The following DRC9 variants were observed in gnomAD, a reference collection of about 807,000 sequenced individuals.
DRC9 encodes dynein regulatory complex subunit 9, also known as dynein regulatory complex protein 9.
chr3:197,914,237 GA>G, the DRC9 span, among the ~76,000 whole-genome samples: 2 of 152,164 alleles, frequency 1.3e-5, no homozygotes, highest in Non-Finnish European at 2.9e-5. Context: ...GCATTTCTAA[GA>G]ATCAGGGCGC....
the DRC9 span, among the ~76,000 whole-genome samples, chr3:197,936,375 GT>G: frequency 5.3e-5 from 8 of 151,226 alleles, no homozygotes; most frequent in Non-Finnish European, 8.9e-5. Flanking sequence ...TGCTTTTTAA[GT>G]TTTTTTTTGA....
chr3:197,895,974 C>CAAAAAA, the DRC9 span, among the ~76,000 whole-genome samples: 5 of 58,988 alleles, frequency 8.5e-5, 1 homozygote, highest in African/African-American at 3.2e-4. Context: ...GACCCTGTCT[C>CAAAAAA]AAAAAAAAAA....
chr3:197,909,415 A>G, the DRC9 span, among the ~76,000 whole-genome samples: 4 of 152,236 alleles, frequency 2.6e-5, no homozygotes, highest in African/African-American at 9.6e-5. Context: ...AAAAACCATT[A>G]GAGGGTTTAA....
chr3:197,915,856 C>T, the DRC9 span, among the ~76,000 whole-genome samples: 778 of 152,256 alleles, frequency 5.1e-3, 1 homozygote, highest in Non-Finnish European at 7.4e-3. Context: ...CTTGATCTCC[C>T]GACCTCAGGT....
At chr3:197,936,022 C>T in the DRC9 span, among the ~76,000 whole-genome samples, 1 of 151,786 alleles carries the variant, frequency 6.6e-6, no homozygotes, top group Admixed American at 6.6e-5. Context: ...CTGAGACGGG[C>T]GGATCACCTG....
the DRC9 span, chr3:197,892,673 G>A: frequency 6.2e-7 from 1 of 1,614,100 alleles, no homozygotes; most frequent in Non-Finnish European, 8.5e-7. Flanking sequence ...TGGCCTTTGT[G>A]GCTTTGAGAG....
At chr3:197,889,387 A>G in the DRC9 span, 1 of 639,264 alleles carries the variant, frequency 1.6e-6, no homozygotes, top group East Asian at 2.7e-5. Context: ...GTGTAATCCT[A>G]AATCAGGGTT....
chr3:197,942,537 C>T, the DRC9 span, among the ~76,000 whole-genome samples: 46 of 150,474 alleles, frequency 3.1e-4, no homozygotes, highest in African/African-American at 1.1e-3. Flanking sequence ...AAATGAAAAG[C>T]AAAAACAAAA....
the DRC9 span, chr3:197,892,769 A>G: frequency 3.1e-6 from 5 of 1,613,842 alleles, no homozygotes; most frequent in Non-Finnish European, 4.2e-6. Flanking sequence ...TCTATTTGGA[A>G]AGAACATGAA....
the DRC9 span, chr3:197,912,488 C>A: frequency 1.9e-6 from 1 of 517,136 alleles, no homozygotes; most frequent in Non-Finnish European, 3.4e-6. Context: ...ATTTTACCTG[C>A]ACTCTCTCAA....
the DRC9 span, chr3:197,913,783 G>A: frequency 2.4e-6 from 3 of 1,258,402 alleles, no homozygotes; most frequent in Non-Finnish European, 3.5e-6. Context: ...AGAGATGGAG[G>A]GAAATCTTTG....
the DRC9 span, chr3:197,958,658 AAAAC>A: frequency 1.3e-5 from 2 of 152,260 alleles, 1 homozygote; most frequent in South Asian, 4.1e-4. Flanking sequence ...AAAGCGGGGG[AAAAC>A]AAACGGTTGA....
the DRC9 span, chr3:197,892,864 G>T: frequency 7.1e-7 from 1 of 1,414,130 alleles, no homozygotes; most frequent in African/African-American, 1.4e-5. Context: ...ACATTCCATA[G>T]TGAGAGAAGG....
At chr3:197,889,852 C>A in the DRC9 span, 1 of 973,488 alleles carries the variant, frequency 1.0e-6, no homozygotes, top group East Asian at 2.4e-5. Context: ...TAGCCAGGCA[C>A]GTAATCACTT....
the DRC9 span, chr3:197,950,336 C>A: frequency 8.2e-7 from 1 of 1,225,622 alleles, no homozygotes; most frequent in Non-Finnish European, 1.0e-6. Flanking sequence ...TTGATTTCTA[C>A]GGGTTTCAAG....
chr3:197,903,783 A>G, the DRC9 span, among the ~76,000 whole-genome samples: 1 of 151,900 alleles, frequency 6.6e-6, no homozygotes, highest in Non-Finnish European at 1.5e-5. Flanking sequence ...GAGCTCAAAC[A>G]AGTCTATAGG....
chr3:197,936,622 C>T, the DRC9 span, among the ~76,000 whole-genome samples: 6 of 152,178 alleles, frequency 3.9e-5, no homozygotes, highest in Non-Finnish European at 8.8e-5. Context: ...CTTGGCCTCC[C>T]AAAGCATTAG....
chr3:197,921,963 T>G, the DRC9 span, among the ~76,000 whole-genome samples: 1 of 146,080 alleles, frequency 6.8e-6, no homozygotes, highest in South Asian at 2.2e-4. Context: ...TTGGTTGACC[T>G]GACTACTGGT....
chr3:197,943,481 T>C, the DRC9 span, among the ~76,000 whole-genome samples: 1 of 151,816 alleles, frequency 6.6e-6, no homozygotes, highest in African/African-American at 2.4e-5. Context: ...ATAGAATTTT[T>C]ATAAAAAATT....
Sources: allele counts gnomAD v4.1 joint callset (sites outside exome capture counted in the v4.1 genomes callset), GRCh38; gene constraint gnomAD v4.1.1; transcripts MANE v1.5; gene names NCBI Gene and HGNC (gene_info 2026-07-23, HGNC 2026-07-21).